Variants in TPMT observed in about 807,000 individuals in gnomAD.
TPMT encodes thiopurine S-methyltransferase, also known as S-adenosyl-L-methionine:thiopurine S-methyltransferase.
In TPMT, 18 loss-of-function variants were observed where a neutral mutation model predicts 34.2. The observed-to-expected ratio is 0.53, with a 90% CI of 0.36 to 0.78. TPMT has a LOEUF of 0.78. Ranked by LOEUF, TPMT falls within the 30% of genes least tolerant of loss-of-function variation. TPMT has a pLI of 0.00. For synonymous variants in TPMT, 69 were observed against 92.4 expected, an observed-to-expected ratio of 0.75 and a Z score of 1.45; for missense variants, 265 against 288.1, an observed-to-expected ratio of 0.92 and a Z score of 0.58.
Position 18,135,120 on chromosome 6 carries a change from GA to G in TPMT, c.495-1232del. Among the ~76,000 whole-genome samples, 1 of 152,328 alleles carries G rather than the reference GA, an allele frequency of 6.6e-6. No individual in the cohort carries two copies. Among genetic ancestry groups the G allele is most frequent in the African/African-American group, 2.4e-5 (1 of 41,578 alleles). The stretch of plus-strand genomic sequence containing the variant: ...TCAGTTTCCTCACCTGTAACATGAG[GA>G]TAAGACTAATAACCACCTCACAAAC... On this transcript the variant is annotated intron_variant, in intron 6 of 8. Coordinates refer to ENST00000309983, the MANE Select transcript of TPMT (RefSeq NM_000367.5). This position sits in a 1 kb window ranked among gnomAD's most constrained non-coding sequence, Gnocchi z 5.0.
In TPMT at chr6:18,150,797, C is replaced by T. The variant is rs905800007; in HGVS notation, c.-44-1626G>A. Among the ~76,000 whole-genome samples, 7 of 152,090 alleles carry T rather than the reference C, an allele frequency of 4.6e-5. No individual in the cohort carries two copies. The highest frequency in any genetic ancestry group is 1.7e-4 in the African/African-American group (7 of 41,422). ...TGTGGGGGCCATAGGGGGTTGGGCA[C>T]CCTAAAGGTTTAGTGAAGAATCACG... On this transcript the variant is annotated intron_variant, in intron 1 of 8. Coordinates refer to ENST00000309983, the MANE Select transcript of TPMT (RefSeq NM_000367.5). This position sits in a 1 kb window ranked among gnomAD's most constrained non-coding sequence, Gnocchi z 5.3.
chr6:18,129,146 G>A lies in TPMT; in HGVS notation c.*1522C>T, dbSNP rs116170115. 5.6e-3 allele frequency: 857 copies of A among 152,348 alleles called. 5 individuals carry two copies. Among genetic ancestry groups the A allele is most frequent in the African/African-American group, 0.019 (789 of 41,558 alleles). The allele number at this position is 152,348 out of a possible 1,614,324, so 9.4% of individuals were successfully genotyped here. On this transcript the variant is annotated 3_prime_UTR_variant, in exon 9 of 9. Coordinates refer to ENST00000309983, the MANE Select transcript of TPMT (RefSeq NM_000367.5). ...GCTCGGGTTAGTTGTCCATTCAACC[G>A]GTGATACAGGCAGAGTTGGGGAGTC...
In TPMT at chr6:18,148,858, G is replaced by T; in HGVS notation, c.140+130C>A. ...ATGCCACAGATGCACTGTGACTCGGGAGACACAAAAATGTGAAGAATTAAA... is the reference window on the plus strand; with the variant it reads ...ATGCCACAGATGCACTGTGACTCGGTAGACACAAAAATGTGAAGAATTAAA... On this transcript the variant is annotated intron_variant, in intron 2 of 8. Coordinates refer to ENST00000309983, the MANE Select transcript of TPMT (RefSeq NM_000367.5). The surrounding 1 kb of genome is among the most constrained non-coding windows in gnomAD (Gnocchi z 4.1). 2 of 1,370,272 alleles carry T rather than the reference G, an allele frequency of 1.5e-6. No homozygotes were observed. The highest frequency in any genetic ancestry group is 2.1e-6 in the Non-Finnish European group (2 of 975,052). 84.9% of individuals were successfully genotyped at this position (1,370,272 alleles called of 1,614,324 possible).
chr6:18,149,098 A>G lies in TPMT; in HGVS notation c.30T>C (p.Ile10=), dbSNP rs200780293. The G allele has an allele frequency of 8.7e-6, 14 of 1,613,990 alleles. No individual in the cohort carries two copies. The highest frequency in any genetic ancestry group is 3.3e-4 in the Middle Eastern group (2 of 6,082). MDGTRTSLD[I]EEYSDTEVQK... is the part of the protein sequence containing the mutation. ...GTACCTCAGTATCCGAGTACTCTTC[A>G]ATGTCAAGTGAAGTTCTTGTACCAT... The change falls in exon 2 of 9, where the codon ATT becomes ATC. Residue 10 remains isoleucine, a synonymous_variant. Coordinates refer to ENST00000309983, the MANE Select transcript of TPMT (RefSeq NM_000367.5). This position sits in a 1 kb window ranked among gnomAD's most constrained non-coding sequence, Gnocchi z 5.0.
At position 18,148,726 on chromosome 6, in the gene TPMT, G is replaced by A. The variant is rs1241126928; in HGVS notation, c.140+262C>T. Among the ~76,000 whole-genome samples, 3 of 152,160 alleles carry A rather than the reference G, an allele frequency of 2.0e-5. No homozygotes were observed. Among genetic ancestry groups the A allele is most frequent in the Admixed American group, 1.3e-4 (2 of 15,278 alleles). ...TATTCAGGGCCAATACATAGGTGCC[G>A]TAGGGATCAAAGAACATATTTTATA... On this transcript the variant is annotated intron_variant, in intron 2 of 8. Transcript: ENST00000309983. This position sits in a 1 kb window ranked among gnomAD's most constrained non-coding sequence, Gnocchi z 4.1.
At position 18,153,681 on chromosome 6, in the gene TPMT, TGA is replaced by T. The variant is rs1665586954; in HGVS notation, c.-45+1350_-45+1351del. Among the ~76,000 whole-genome samples, 1 of 152,234 alleles carries T rather than the reference TGA, an allele frequency of 6.6e-6. No individual in the cohort carries two copies. The highest frequency in any genetic ancestry group is 2.1e-4 in the South Asian group (1 of 4,832). On this transcript the variant is annotated intron_variant, in intron 1 of 8. Coordinates refer to ENST00000309983, the MANE Select transcript of TPMT (RefSeq NM_000367.5). The surrounding 1 kb of genome is among the most constrained non-coding windows in gnomAD (Gnocchi z 4.2). ...TATCAGGAGGTGACTCTGAGTTTTC[TGA>T]GAGGTCAGTAGAAAGTATCTGATTT...
rs1329394713 is a variant in TPMT, at chr6:18,136,820, G to A, written c.494+2143C>T. On this transcript the variant is annotated intron_variant, in intron 6 of 8. Transcript: ENST00000309983. The surrounding 1 kb of genome is among the most constrained non-coding windows in gnomAD (Gnocchi z 4.7). ...AGCGAAACTCTGTCTCGAAAAAAAAGATTTGATTTTTCTCTCATAAAATTT... is the reference window on the plus strand; with the variant it reads ...AGCGAAACTCTGTCTCGAAAAAAAAAATTTGATTTTTCTCTCATAAAATTT... Among the ~76,000 whole-genome samples, 1 of 152,068 alleles carries A rather than the reference G, an allele frequency of 6.6e-6. No individual in the cohort carries two copies. The highest frequency in any genetic ancestry group is 1.5e-5 in the Non-Finnish European group (1 of 67,996).
At position 18,147,686 on chromosome 6, in the gene TPMT, T is replaced by G. The variant is rs189560318; in HGVS notation, c.233+137A>C. 2.4e-3 allele frequency: 1,726 copies of G among 734,034 alleles called. 22 individuals are homozygous for G. In the African/African-American group the frequency reaches 0.028, roughly 12 times the overall value. The allele number at this position is 734,034 out of a possible 1,614,324, so 45.5% of individuals were successfully genotyped here. On this transcript the variant is annotated intron_variant, in intron 3 of 8. Coordinates refer to ENST00000309983, the MANE Select transcript of TPMT (RefSeq NM_000367.5). The stretch of plus-strand genomic sequence containing the variant: ...TTTGAGAATATTATTTCCAATTATA[T>G]ACCCATCACTAATAGAAAAATAAGG...
At position 18,132,493 on chromosome 6, in the gene TPMT, C is replaced by T. The variant is rs970701756; in HGVS notation, c.581-316G>A. ...CTAGCATACTGATTTTCTACCAACT[C>T]CTGCACTCACCCACATTTTATACAC... On this transcript the variant is annotated intron_variant, in intron 7 of 8. Transcript: ENST00000309983. The surrounding 1 kb of genome is among the most constrained non-coding windows in gnomAD (Gnocchi z 4.8). Among the ~76,000 whole-genome samples, 1 of 152,000 alleles carries T rather than the reference C, an allele frequency of 6.6e-6. No individual in the cohort carries two copies. The highest frequency in any genetic ancestry group is 1.5e-5 in the Non-Finnish European group (1 of 68,014).
At chr6:18,141,672 CT>C (rs1280025328) in intron 4 of TPMT, among the ~76,000 whole-genome samples, 1 of 152,132 alleles carries the variant, frequency 6.6e-6, no homozygotes, top group Non-Finnish European at 1.5e-5. Context: ...GAAAAGAGTA[CT>C]TTGTGAGACA....
In TPMT at chr6:18,146,585, C is replaced by T. The variant is rs113338492; in HGVS notation, c.233+1238G>A. Among the ~76,000 whole-genome samples, 4 of 152,256 alleles carry T rather than the reference C, an allele frequency of 2.6e-5. No individual in the cohort carries two copies. The highest frequency in any genetic ancestry group is 9.6e-5 in the African/African-American group (4 of 41,556). On this transcript the variant is annotated intron_variant, in intron 3 of 8. Coordinates refer to ENST00000309983, the MANE Select transcript of TPMT (RefSeq NM_000367.5). This position sits in a 1 kb window ranked among gnomAD's most constrained non-coding sequence, Gnocchi z 6.2. ...TTTCATACCATTTTCCTAATGTTGC[C>T]TCAGAACCTGTTTGTACTACATTGT...
chr6:18,138,893 C>T lies in TPMT; in HGVS notation c.494+70G>A. The T allele has an allele frequency of 2.3e-6, 3 of 1,328,400 alleles. No individual in the cohort carries two copies. Among genetic ancestry groups the T allele is most frequent in the Non-Finnish European group, 3.2e-6 (3 of 933,484 alleles). 82.3% of individuals were successfully genotyped at this position (1,328,400 alleles called of 1,614,324 possible). On this transcript the variant is annotated intron_variant, in intron 6 of 8. Transcript: ENST00000309983. This position sits in a 1 kb window ranked among gnomAD's most constrained non-coding sequence, Gnocchi z 4.1. ...ACTCATAGAAGTCTAAGCTGATTTT[C>T]TAGAACCCAGAAAAAGTATAGTATA... is the stretch of plus-strand genomic sequence containing the variant.
Position 18,135,976 on chromosome 6 carries a change from T to C in TPMT, c.495-2087A>G, listed in dbSNP as rs1784035911. ...TTTATTTAAACAACATTTATTAAGC[T>C]CTTACTAGGTGCTAAATATATATTA... On this transcript the variant is annotated intron_variant, in intron 6 of 8. Transcript: ENST00000309983. The surrounding 1 kb of genome is among the most constrained non-coding windows in gnomAD (Gnocchi z 5.0). Among the ~76,000 whole-genome samples, 1 of 152,096 alleles carries C rather than the reference T, an allele frequency of 6.6e-6. No individual in the cohort carries two copies. The highest frequency in any genetic ancestry group is 2.4e-5 in the African/African-American group (1 of 41,420).
At position 18,139,070 on chromosome 6, in the gene TPMT, A is replaced by G; in HGVS notation, c.420-33T>C. 1 of 1,585,058 alleles carries G rather than the reference A, an allele frequency of 6.3e-7. No homozygotes were observed. Among genetic ancestry groups the G allele is most frequent in the Non-Finnish European group, 8.7e-7 (1 of 1,153,342 alleles). On this transcript the variant is annotated intron_variant, in intron 5 of 8. Coordinates refer to ENST00000309983, the MANE Select transcript of TPMT (RefSeq NM_000367.5). The surrounding 1 kb of genome is among the most constrained non-coding windows in gnomAD (Gnocchi z 4.2). ...AAAGAGAAAAAACATTTTATGGGAG[A>G]AAAATCAAATCTTTAAGAAGATGAG... is the stretch of plus-strand genomic sequence containing the variant.
chr6:18,151,180 CTCTCTT>C (rs1284190289), intron 1 of TPMT, among the ~76,000 whole-genome samples: 21 of 129,154 alleles, frequency 1.6e-4, no homozygotes, highest in African/African-American at 6.5e-4. Context: ...TTAACTTCTT[CTCTCTT>C]TTTTTTTTTT....
In TPMT at chr6:18,140,353, G is replaced by GC. The variant is rs1784117386; in HGVS notation, c.367-637dup. ...CCTGCGAACTATGTGAACACAGAAGGCAGAGCAGGGGCCTGCCTGGGAGCA... is the reference window on the plus strand; with the variant it reads ...CCTGCGAACTATGTGAACACAGAAGGCCAGAGCAGGGGCCTGCCTGGGAGCA... On this transcript the variant is annotated intron_variant, in intron 4 of 8. Transcript: ENST00000309983. The surrounding 1 kb of genome is among the most constrained non-coding windows in gnomAD (Gnocchi z 4.7). Among the ~76,000 whole-genome samples the GC allele has an allele frequency of 6.6e-6, 1 of 152,192 alleles. No homozygotes were observed. The highest frequency in any genetic ancestry group is 1.5e-5 in the Non-Finnish European group (1 of 68,028).
In TPMT at chr6:18,147,905, T is replaced by G; in HGVS notation, c.151A>C (p.Lys51Gln). Reference sequence around the variant, plus strand: ...CCTTTAAGGAAAGTATCTAAATGCTTCTTTAATAGCCTGAAGAGGAAAAAA... The same window carrying G: ...CCTTTAAGGAAAGTATCTAAATGCTGCTTTAATAGCCTGAAGAGGAAAAAA... Reference protein sequence around the residue: ...HQEQGHQLLKKHLDTFLKGKS... With the variant: ...HQEQGHQLLKQHLDTFLKGKS... The change falls in exon 3 of 9, where the codon AAG becomes CAG. Residue 51 changes from lysine (K) to glutamine (Q), a missense_variant. Transcript: ENST00000309983. 1 of 1,613,556 alleles carries G rather than the reference T, an allele frequency of 6.2e-7. No homozygotes were observed. The highest frequency in any genetic ancestry group is 8.5e-7 in the Non-Finnish European group (1 of 1,179,632).
chr6:18,139,829 T>A lies in TPMT; in HGVS notation c.367-112A>T. On this transcript the variant is annotated intron_variant, in intron 4 of 8. Transcript: ENST00000309983. This position sits in a 1 kb window ranked among gnomAD's most constrained non-coding sequence, Gnocchi z 4.2. ...AGTTCTAGGGAAAGAATGTGTTAAT[T>A]AAACATAATTAAAGTAAATAATTTT... The A allele has an allele frequency of 1.5e-6, 1 of 680,104 alleles. No individual in the cohort carries two copies. The highest frequency in any genetic ancestry group is 2.5e-6 in the Non-Finnish European group (1 of 392,382). 42.1% of individuals were successfully genotyped at this position (680,104 alleles called of 1,614,324 possible).
rs192993621 is a variant in TPMT at position 18,146,348 on chromosome 6, C to T, written c.233+1475G>A. 1.1e-3 allele frequency among the ~76,000 whole-genome samples: 173 copies of T among 152,116 alleles called. No individual in the cohort carries two copies. The highest frequency in any genetic ancestry group is 3.8e-3 in the African/African-American group (159 of 41,522). ...TCAGGTAGTTGGGATTACAAGCGTA[C>T]GCTGCCATGCCTGGCTAATTTTTGT... On this transcript the variant is annotated intron_variant, in intron 3 of 8. Coordinates refer to ENST00000309983, the MANE Select transcript of TPMT (RefSeq NM_000367.5). The surrounding 1 kb of genome is among the most constrained non-coding windows in gnomAD (Gnocchi z 6.2).
Sources: allele counts gnomAD v4.1 joint callset (sites outside exome capture counted in the v4.1 genomes callset), GRCh38; gene constraint gnomAD v4.1.1; non-coding constraint Gnocchi (gnomAD v3.1); transcripts MANE v1.5; gene names NCBI Gene and HGNC (gene_info 2026-07-23, HGNC 2026-07-21).